The following TMEM178B variants were observed in gnomAD, a reference collection of about 807,000 sequenced individuals.
TMEM178B encodes the protein transmembrane protein 178B.
Under a neutral mutation model 31.0 loss-of-function variants are expected in TMEM178B, and 5 were observed. The observed-to-expected ratio is 0.16, with a 90% CI of 0.08 to 0.34. The LOEUF (loss-of-function observed/expected upper bound fraction) is 0.34. Ranked by LOEUF, TMEM178B falls within the 10% of genes least tolerant of loss-of-function variation. The pLI, the probability that TMEM178B is intolerant of heterozygous loss-of-function variation, is 1.00. For synonymous variants in TMEM178B, 164 were observed against 164.0 expected (o/e 1.00, Z 0.00); for missense variants, 275 against 400.3 (o/e 0.69, Z 2.67).
intron 3 of TMEM178B, among the ~76,000 whole-genome samples, chr7:141,445,392 T>C (rs1347197835): frequency 6.6e-6 from 1 of 152,214 alleles, no homozygotes; most frequent in Non-Finnish European, 1.5e-5. Flanking sequence ...AGTAAAATGA[T>C]TTAAGGGATC....
chr7:141,079,062 G>C (rs1231901921), intron 1 of TMEM178B, among the ~76,000 whole-genome samples: 1 of 152,202 alleles, frequency 6.6e-6, no homozygotes, highest in Non-Finnish European at 1.5e-5. Context: ...CGAGGCAGGT[G>C]AATCACTTGA....
At chr7:141,157,793 GT>G (rs1435517437) in intron 1 of TMEM178B, among the ~76,000 whole-genome samples, 1 of 152,188 alleles carries the variant, frequency 6.6e-6, no homozygotes, top group Admixed American at 6.5e-5. Context: ...TAAGATGTTA[GT>G]TTCTCCTTCT....
intron 2 of TMEM178B, among the ~76,000 whole-genome samples, chr7:141,411,272 A>G (rs1392090619): frequency 1.3e-5 from 2 of 152,076 alleles, no homozygotes; most frequent in African/African-American, 4.8e-5. Flanking sequence ...GGTTGAGGAG[A>G]AGATGGAGAG....
intron 1 of TMEM178B, among the ~76,000 whole-genome samples, chr7:141,094,243 G>GA (rs1256224619): frequency 3.3e-5 from 5 of 152,108 alleles, no homozygotes; most frequent in African/African-American, 9.7e-5. Context: ...GAGGCAGGAA[G>GA]AAAAAATTGG....
At chr7:141,373,859 G>A (rs2116574258) in intron 2 of TMEM178B, among the ~76,000 whole-genome samples, 1 of 152,298 alleles carries the variant, frequency 6.6e-6, no homozygotes, top group South Asian at 2.1e-4. Flanking sequence ...CTCTGCTCAG[G>A]AGTCAAAATG....
At chr7:141,249,341 G>A (rs1007276477) in intron 2 of TMEM178B, among the ~76,000 whole-genome samples, 1 of 152,124 alleles carries the variant, frequency 6.6e-6, no homozygotes, top group African/African-American at 2.4e-5. Context: ...GCCGTGATTG[G>A]GAGGCCTCCC....
At chr7:141,141,066 ATTGT>A (rs1200977424) in intron 1 of TMEM178B, among the ~76,000 whole-genome samples, 1 of 152,144 alleles carries the variant, frequency 6.6e-6, no homozygotes, top group Admixed American at 6.5e-5. Context: ...ATCTATATAA[ATTGT>A]TTGGTATTTT....
At chr7:141,263,950 GA>G (rs1300612665) in intron 2 of TMEM178B, among the ~76,000 whole-genome samples, 1 of 152,246 alleles carries the variant, frequency 6.6e-6, no homozygotes, top group African/African-American at 2.4e-5. Context: ...ACATAGGGAA[GA>G]ATTCAGGAAA....
chr7:141,392,308 A>C (rs1800557301), intron 2 of TMEM178B, among the ~76,000 whole-genome samples: 1 of 152,206 alleles, frequency 6.6e-6, no homozygotes, highest in South Asian at 2.1e-4. Context: ...TCATGCACAA[A>C]ATTCTGATAC....
chr7:141,087,747 T>A (rs943323132), intron 1 of TMEM178B, among the ~76,000 whole-genome samples: 1 of 152,226 alleles, frequency 6.6e-6, no homozygotes, highest in Non-Finnish European at 1.5e-5. Flanking sequence ...TCATTTATTC[T>A]GAAGATTATG....
intron 2 of TMEM178B, among the ~76,000 whole-genome samples, chr7:141,286,137 G>A (rs1798444600): frequency 6.6e-6 from 1 of 151,908 alleles, no homozygotes; most frequent in African/African-American, 2.4e-5. Context: ...AAAGAAATTT[G>A]GTTCCTGTAA....
At chr7:141,327,416 C>A (rs1799212251) in intron 2 of TMEM178B, among the ~76,000 whole-genome samples, 1 of 152,204 alleles carries the variant, frequency 6.6e-6, no homozygotes, top group Non-Finnish European at 1.5e-5. Context: ...CAACCTCCCC[C>A]ACTATCAACA....
chr7:141,189,974 A>G (rs193228848), intron 1 of TMEM178B, among the ~76,000 whole-genome samples: 37 of 152,314 alleles, frequency 2.4e-4, no homozygotes, highest in Admixed American at 2.4e-3. Flanking sequence ...ACAGACCCAT[A>G]TTCTTTTTTA....
intron 2 of TMEM178B, among the ~76,000 whole-genome samples, chr7:141,385,824 A>T (rs1017005537): frequency 1.3e-5 from 2 of 152,226 alleles, no homozygotes; most frequent in African/African-American, 4.8e-5. Flanking sequence ...CTGCAAGAAG[A>T]GCAATTCCCT....
chr7:141,350,251 G>T (rs1429188034), intron 2 of TMEM178B, among the ~76,000 whole-genome samples: 1 of 151,910 alleles, frequency 6.6e-6, no homozygotes, highest in Non-Finnish European at 1.5e-5. Flanking sequence ...CTTCACCAAT[G>T]AGGCCTTCTT....
At position 141,258,199 on chromosome 7, in the gene TMEM178B, A is replaced by G. The variant is rs181348619; in HGVS notation, c.496+45495A>G. On this transcript the variant is annotated intron_variant, in intron 2 of 3. Transcript: ENST00000565468. Reference sequence around the variant, plus strand: ...ATATATATATGCATGTTATATATGTATGTATTTCATCTTCATATGTTATAA... The same window carrying G: ...ATATATATATGCATGTTATATATGTGTGTATTTCATCTTCATATGTTATAA... Among the ~76,000 whole-genome samples, 156 of 151,298 alleles carry G rather than the reference A, an allele frequency of 1.0e-3. 1 individual carries two copies. The highest frequency in any genetic ancestry group is 3.6e-3 in the African/African-American group (148 of 41,378).
At chr7:141,336,357 G>A (rs1305027463) in intron 2 of TMEM178B, among the ~76,000 whole-genome samples, 1 of 152,106 alleles carries the variant, frequency 6.6e-6, no homozygotes, top group Non-Finnish European at 1.5e-5. Context: ...CTCTTTCACT[G>A]TAGGACCAGG....
chr7:141,381,549 A>G (rs1244735470), intron 2 of TMEM178B, among the ~76,000 whole-genome samples: 1 of 152,184 alleles, frequency 6.6e-6, no homozygotes, highest in Admixed American at 6.5e-5. Flanking sequence ...ATTTCTCTTA[A>G]TTCTTTCCAG....
At chr7:141,510,640 G>C in the TMEM178B span, among the ~76,000 whole-genome samples, 721 of 119,390 alleles carry the variant, frequency 6.0e-3, 7 homozygotes, top group African/African-American at 0.022. Flanking sequence ...AGCCAAGAAC[G>C]CACTGTTGCA....
Sources: gnomAD v4.1 joint callset for allele counts (sites outside exome capture counted in the v4.1 genomes callset) on GRCh38, gnomAD v4.1.1 for gene constraint, MANE v1.5 for transcripts, NCBI Gene and HGNC (gene_info 2026-07-23, HGNC 2026-07-21) for gene names.